The following SNRPD1 variants were observed in gnomAD, a reference collection of about 807,000 sequenced individuals.
SNRPD1 encodes the protein small nuclear ribonucleoprotein Sm D1.
Under a neutral mutation model 14.4 loss-of-function variants are expected in SNRPD1, and 1 was observed. The ratio of observed to expected loss-of-function variants is 0.07; its 90% CI spans 0.02 to 0.33. SNRPD1 has a LOEUF of 0.33. Ranked by LOEUF, SNRPD1 falls within the 10% of genes least tolerant of loss-of-function variation. The pLI is 1.00. For missense variants in SNRPD1, 52 were observed against 146.4 expected (o/e 0.36, Z 3.33); for synonymous variants, 42 against 50.3 (o/e 0.83, Z 0.70).
At chr18:21,613,360 T>C (rs1469295550) in intron 1 of SNRPD1, among the ~76,000 whole-genome samples, 1 of 152,206 alleles carries the variant, frequency 6.6e-6, no homozygotes, top group African/African-American at 2.4e-5. Context: ...CTTGTTTTTT[T>C]CCTGTTGAGT....
At chr18:21,616,748 C>T (rs1237778053) in intron 1 of SNRPD1, among the ~76,000 whole-genome samples, 1 of 149,608 alleles carries the variant, frequency 6.7e-6, no homozygotes, top group Non-Finnish European at 1.5e-5. Context: ...TGCAGTGGCG[C>T]ACTCTCGGCT....
chr18:21,630,026 T>G lies in SNRPD1; in HGVS notation c.*888T>G, dbSNP rs894697449. The G allele has an allele frequency of 1.3e-5, 2 of 152,206 alleles. No individual in the cohort carries two copies. Among genetic ancestry groups the G allele is most frequent in the South Asian group, 4.1e-4 (2 of 4,836 alleles). 9.4% of individuals were successfully genotyped at this position (152,206 alleles called of 1,614,324 possible). A position where few individuals can be genotyped will look rare whatever the true frequency, so the allele number is the denominator to read the frequency against. On this transcript the variant is annotated 3_prime_UTR_variant, in exon 4 of 4. Transcript: ENST00000300413. ...AAGGGTCATTGCTTTGTTGTCTAGCTGCTAATGTCTTACTTTTGTTTCTTT... is the reference window on the plus strand; with the variant it reads ...AAGGGTCATTGCTTTGTTGTCTAGCGGCTAATGTCTTACTTTTGTTTCTTT...
At chr18:21,625,897 C>T (rs1046499868) in intron 3 of SNRPD1, among the ~76,000 whole-genome samples, 15 of 152,280 alleles carry the variant, frequency 9.9e-5, no homozygotes, top group Admixed American at 2.0e-4. Flanking sequence ...GCGTGAGCCA[C>T]GGTGCCTGGC....
At chr18:21,615,070 T>C (rs751248062) in intron 1 of SNRPD1, among the ~76,000 whole-genome samples, 2 of 152,180 alleles carry the variant, frequency 1.3e-5, no homozygotes, top group African/African-American at 2.4e-5. Context: ...AGAAGTAACA[T>C]TACCAAAACC....
chr18:21,616,616 A>T (rs1293199828), intron 1 of SNRPD1, among the ~76,000 whole-genome samples: 1 of 151,760 alleles, frequency 6.6e-6, no homozygotes, highest in Non-Finnish European at 1.5e-5. Context: ...TTGGCCTCCC[A>T]AAGTACTGGG....
intron 1 of SNRPD1, among the ~76,000 whole-genome samples, chr18:21,617,491 T>C (rs1488959837): frequency 6.6e-6 from 1 of 152,198 alleles, no homozygotes; most frequent in Non-Finnish European, 1.5e-5. Flanking sequence ...TAATTTGTCT[T>C]CCTAGAGATT....
In SNRPD1 at chr18:21,612,322, C is replaced by T. The variant is rs945830963; in HGVS notation, c.-108C>T. 1.0e-5 allele frequency: 8 copies of T among 771,352 alleles called. No individual in the cohort carries two copies. In the East Asian group the frequency reaches 1.5e-4, roughly 14 times the overall value. The allele number at this position is 771,352 out of a possible 1,614,324, so 47.8% of individuals were successfully genotyped here. ...GCAGTGCTCCGCGCGCTCTTGACGT[C>T]CGGAGCCCCTGGAGTAGGCGCTTCC... On this transcript the variant is annotated 5_prime_UTR_variant, in exon 1 of 4. Transcript: ENST00000300413.
Position 21,612,314 on chromosome 18 carries a change from C to T in SNRPD1, c.-116C>T. The T allele has an allele frequency of 1.5e-6, 1 of 683,282 alleles. No individual in the cohort carries two copies. Among genetic ancestry groups the T allele is most frequent in the Non-Finnish European group, 2.3e-6 (1 of 430,220 alleles). 42.3% of individuals were successfully genotyped at this position (683,282 alleles called of 1,614,324 possible). ...ATGCGCCTGCAGTGCTCCGCGCGCT[C>T]TTGACGTCCGGAGCCCCTGGAGTAG... On this transcript the variant is annotated 5_prime_UTR_variant, in exon 1 of 4. Transcript: ENST00000300413.
At position 21,630,848 on chromosome 18, in the gene SNRPD1, G is replaced by A. The variant is rs977470697; in HGVS notation, c.*1710G>A. 2 of 147,420 alleles carry A rather than the reference G, an allele frequency of 1.4e-5. No individual in the cohort carries two copies. Among genetic ancestry groups the A allele is most frequent in the Non-Finnish European group, 1.5e-5 (1 of 67,212 alleles). 9.1% of individuals were successfully genotyped at this position (147,420 alleles called of 1,614,324 possible). A position where few individuals can be genotyped will look rare whatever the true frequency, so the allele number is the denominator to read the frequency against. Reference sequence around the variant, plus strand: ...TAAATATATACTAATAGATATATTAGTATACATGTAGAATGTACCTGTCAT... The same window carrying A: ...TAAATATATACTAATAGATATATTAATATACATGTAGAATGTACCTGTCAT... On this transcript the variant is annotated 3_prime_UTR_variant, in exon 4 of 4. Coordinates refer to ENST00000300413, the MANE Select transcript of SNRPD1 (RefSeq NM_006938.4).
rs1478961004 is a variant in SNRPD1, at chr18:21,630,185, C to T, written c.*1047C>T. 2.6e-5 allele frequency: 4 copies of T among 152,140 alleles called. No homozygotes were observed. Among genetic ancestry groups the T allele is most frequent in the Non-Finnish European group, 5.9e-5 (4 of 68,036 alleles). 9.4% of individuals were successfully genotyped at this position (152,140 alleles called of 1,614,324 possible). On this transcript the variant is annotated 3_prime_UTR_variant, in exon 4 of 4. Coordinates refer to ENST00000300413, the MANE Select transcript of SNRPD1 (RefSeq NM_006938.4). ...TAATGTGTAATGTACCTGTCAGTGCCTCCTTTATTAAGGGGTTCTTTGAGA... is the reference window on the plus strand; with the variant it reads ...TAATGTGTAATGTACCTGTCAGTGCTTCCTTTATTAAGGGGTTCTTTGAGA...
chr18:21,622,704 T>C, intron 1 of SNRPD1, 21 bp from the exon 2 acceptor site: 1 of 1,161,826 alleles, frequency 8.6e-7, no homozygotes, highest in Non-Finnish European at 1.3e-6. Context: ...CAGGTAAAAA[T>C]GGTTTTATTC....
chr18:21,614,052 C>T (rs57601148), intron 1 of SNRPD1, among the ~76,000 whole-genome samples: 47,944 of 151,640 alleles, frequency 0.32, 10,346 homozygotes, highest in African/African-American at 0.58. Flanking sequence ...GCAGGCGGAT[C>T]GCCTGAGGTC....
chr18:21,628,905 TA>T (rs1238509595), intron 3 of SNRPD1, among the ~76,000 whole-genome samples, 156 bp from the exon 4 acceptor site: 1 of 152,202 alleles, frequency 6.6e-6, no homozygotes, highest in African/African-American at 2.4e-5. Flanking sequence ...ATCTGAAGTC[TA>T]ACACATTTAA....
At chr18:21,615,196 A>C (rs374792778) in intron 1 of SNRPD1, among the ~76,000 whole-genome samples, 1 of 152,254 alleles carries the variant, frequency 6.6e-6, no homozygotes. Context: ...TATATTTGGA[A>C]TCACAAAGTA....
At chr18:21,619,686 A>G (rs1343209944) in intron 1 of SNRPD1, among the ~76,000 whole-genome samples, 1 of 151,548 alleles carries the variant, frequency 6.6e-6, no homozygotes, top group Non-Finnish European at 1.5e-5. Context: ...AGGCTGAGGC[A>G]GGAGAATTGC....
Position 21,632,700 on chromosome 18 carries a change from C to T in SNRPD1, c.*3562C>T, listed in dbSNP as rs2039093045. 1 of 152,058 alleles carries T rather than the reference C, an allele frequency of 6.6e-6. No homozygotes were observed. The highest frequency in any genetic ancestry group is 1.5e-5 in the Non-Finnish European group (1 of 68,030). 9.4% of individuals were successfully genotyped at this position (152,058 alleles called of 1,614,324 possible). A position where few individuals can be genotyped will look rare whatever the true frequency, so the allele number is the denominator to read the frequency against. The stretch of plus-strand genomic sequence containing the variant: ...CATTATAGTATGAATAGAAAACAGA[C>T]TAGAGTTTAACATGCTTCTCTTGAC... On this transcript the variant is annotated 3_prime_UTR_variant, in exon 4 of 4. Transcript: ENST00000300413.
intron 1 of SNRPD1, among the ~76,000 whole-genome samples, chr18:21,619,792 A>G (rs1460542405): frequency 6.6e-6 from 1 of 151,804 alleles, no homozygotes; most frequent in Non-Finnish European, 1.5e-5. Context: ...AAAAAAATAG[A>G]ATTTTAAAAA....
At position 21,628,045 on chromosome 18, in the gene SNRPD1, A is replaced by G. The variant is rs1238658026; in HGVS notation, c.284-1017A>G. Among the ~76,000 whole-genome samples, 9 of 152,204 alleles carry G rather than the reference A, an allele frequency of 5.9e-5. No individual in the cohort carries two copies. The South Asian group carries it at 1.2e-3, about 21-fold the overall frequency. Reference sequence around the variant, plus strand: ...CCTTAATTAGCATCTTAAACTTACTATTTATTGCTTAGAATGGTAAGACTA... The same window carrying G: ...CCTTAATTAGCATCTTAAACTTACTGTTTATTGCTTAGAATGGTAAGACTA... On this transcript the variant is annotated intron_variant, in intron 3 of 3. Coordinates refer to ENST00000300413, the MANE Select transcript of SNRPD1 (RefSeq NM_006938.4).
chr18:21,622,912 T>C (rs572794856), intron 2 of SNRPD1, 111 bp downstream of exon 2: 3 of 547,086 alleles, frequency 5.5e-6, no homozygotes, highest in East Asian at 3.2e-5. Flanking sequence ...CCTTATTTTT[T>C]TTGTCTGAAT....
Sources: allele counts gnomAD v4.1 joint callset (sites outside exome capture counted in the v4.1 genomes callset), GRCh38; gene constraint gnomAD v4.1.1; transcripts MANE v1.5; gene names NCBI Gene and HGNC (gene_info 2026-07-23, HGNC 2026-07-21).